Variants in KLHL5 observed in about 807,000 individuals in gnomAD.
KLHL5 encodes the protein kelch-like protein 5.
In KLHL5, 48 loss-of-function variants were observed where a neutral mutation model predicts 77.7. The observed-to-expected ratio is 0.62, with a 90% CI of 0.49 to 0.79. The LOEUF (loss-of-function observed/expected upper bound fraction) is 0.79. KLHL5 is among the 30% of genes least tolerant of loss of function. KLHL5 has a pLI of 0.00. For missense variants in KLHL5, 723 were observed against 859.7 expected (o/e 0.84, Z 1.99); for synonymous variants, 260 against 297.0 (o/e 0.88, Z 1.28).
At chr4:39,119,524 T>G (rs1252233824) in intron 10 of KLHL5, among the ~76,000 whole-genome samples, 1 of 152,134 alleles carries the variant, frequency 6.6e-6, no homozygotes, top group Non-Finnish European at 1.5e-5. Context: ...AGGTGGAGGT[T>G]GCAGTGAGCC....
At chr4:39,094,528 T>TA (rs1312264012) in intron 5 of KLHL5, among the ~76,000 whole-genome samples, 1 of 151,290 alleles carries the variant, frequency 6.6e-6, no homozygotes, top group Non-Finnish European at 1.5e-5. Context: ...ACATGAAAAA[T>TA]AAAGGCACAA....
chr4:39,062,947 G>GATTGTGGC lies in KLHL5; in HGVS notation c.296_303dup (p.Gly102IlefsTer70), dbSNP rs1333497850. On this transcript the variant is annotated frameshift_variant, in exon 1 of 11. Coordinates refer to ENST00000504108, the MANE Select transcript of KLHL5 (RefSeq NM_015990.5). LOFTEE classifies it high-confidence loss of function. ...CCCTGCATTTGAGTTTACAGCAGAAGATTGTGGCGGTGCACATTGGCTGGA... is the reference window on the plus strand; with the variant it reads ...CCCTGCATTTGAGTTTACAGCAGAAGATTGTGGCATTGTGGCGGTGCACATTGGCTGGA... 1 of 1,614,060 alleles carries GATTGTGGC rather than the reference G, an allele frequency of 6.2e-7. No homozygotes were observed. Among genetic ancestry groups the GATTGTGGC allele is most frequent in the Non-Finnish European group, 8.5e-7 (1 of 1,180,008 alleles).
intron 8 of KLHL5, among the ~76,000 whole-genome samples, chr4:39,112,192 A>G (rs1043270685): frequency 1.3e-5 from 2 of 152,206 alleles, no homozygotes; most frequent in Non-Finnish European, 2.9e-5. Flanking sequence ...GGTTCAGAGT[A>G]AAAGACTTTC....
chr4:39,054,316 C>CT (rs1716866613), intron 1 of KLHL5, among the ~76,000 whole-genome samples: 1 of 152,164 alleles, frequency 6.6e-6, no homozygotes, highest in Non-Finnish European at 1.5e-5. Context: ...CCATCCTGGA[C>CT]CCTGCCACTC....
chr4:39,076,487 A>G (rs1294879443), intron 2 of KLHL5, among the ~76,000 whole-genome samples: 1 of 152,204 alleles, frequency 6.6e-6, no homozygotes, highest in Non-Finnish European at 1.5e-5. Context: ...GTGGATATTT[A>G]GAAGAAGAAA....
the KLHL5 span, among the ~76,000 whole-genome samples, chr4:39,137,218 T>C: frequency 2.0e-5 from 3 of 151,964 alleles, no homozygotes; most frequent in Non-Finnish European, 4.4e-5. Flanking sequence ...TAGACAGATA[T>C]AGACCAACAG....
At position 39,125,635 on chromosome 4, in the gene KLHL5, T is replaced by C. The variant is rs1723495152; in HGVS notation, c.*4569T>C. Among the ~76,000 whole-genome samples, 4 of 152,112 alleles carry C rather than the reference T, an allele frequency of 2.6e-5. No individual in the cohort carries two copies. In the South Asian group the frequency reaches 8.3e-4, roughly 31 times the overall value. On this transcript the variant is annotated 3_prime_UTR_variant, in exon 11 of 11. Transcript: ENST00000504108. ...TGCATGAGTGCATTTATATGAAATATCCAAAATAGGCAAATCCATGGAGAC... is the reference window on the plus strand; with the variant it reads ...TGCATGAGTGCATTTATATGAAATACCCAAAATAGGCAAATCCATGGAGAC...
At chr4:39,079,309 T>C (rs1020182028) in intron 2 of KLHL5, among the ~76,000 whole-genome samples, 4 of 152,198 alleles carry the variant, frequency 2.6e-5, no homozygotes, top group Non-Finnish European at 5.9e-5. Context: ...AAATCTTTCA[T>C]TGACTCCTCA....
chr4:39,092,278 G>C (rs956651490), intron 5 of KLHL5, among the ~76,000 whole-genome samples: 1 of 151,904 alleles, frequency 6.6e-6, no homozygotes, highest in African/African-American at 2.4e-5. Context: ...ATGATACCTG[G>C]TTCCTCCCAT....
chr4:39,075,747 A>G (rs1577670996), intron 1 of KLHL5, among the ~76,000 whole-genome samples: 1 of 152,226 alleles, frequency 6.6e-6, no homozygotes, highest in South Asian at 2.1e-4. Flanking sequence ...GTAGCAATTA[A>G]TTAACAGTTT....
In KLHL5 at chr4:39,075,860, A is replaced by C. The variant is rs908155632; in HGVS notation, c.384-105A>C. On this transcript the variant is annotated intron_variant, in intron 1 of 10. Transcript: ENST00000504108. ...TTATACATTAATATTGATAGGTAGC[A>C]TTGATTTCTTCTATTACATTTGAAG... The C allele has an allele frequency of 1.4e-5, 12 of 865,494 alleles. No individual in the cohort carries two copies. In the Admixed American group the frequency reaches 1.8e-4, roughly 13 times the overall value. 53.6% of individuals were successfully genotyped at this position (865,494 alleles called of 1,614,324 possible).
chr4:39,117,144 T>C (rs1331297040), intron 10 of KLHL5, among the ~76,000 whole-genome samples: 1 of 152,140 alleles, frequency 6.6e-6, no homozygotes, highest in South Asian at 2.1e-4. Flanking sequence ...CCCCAAAATT[T>C]TGAAAAATTA....
intron 9 of KLHL5, 33 bp from the exon 10 acceptor site, chr4:39,115,126 A>G (rs1363136733): frequency 6.3e-7 from 1 of 1,578,488 alleles, no homozygotes; most frequent in African/African-American, 1.4e-5. Context: ...TTTTAAGAAT[A>G]ATGTCAGCTC....
Position 39,118,059 on chromosome 4 carries a change from T to TAA in KLHL5, c.2073+2745_2073+2746dup, listed in dbSNP as rs35309110. 8.0e-3 allele frequency among the ~76,000 whole-genome samples: 1,003 copies of TAA among 126,136 alleles called. 8 individuals carry two copies. Among genetic ancestry groups the TAA allele is most frequent in the Admixed American group, 0.014 (175 of 12,508 alleles). The allele number at this position is 126,136 out of a possible 152,430, so 82.8% of individuals were successfully genotyped here. A position where few individuals can be genotyped will look rare whatever the true frequency, so the allele number is the denominator to read the frequency against. On this transcript the variant is annotated intron_variant, in intron 10 of 10. Coordinates refer to ENST00000504108, the MANE Select transcript of KLHL5 (RefSeq NM_015990.5). ...CTGGGTGACAGAGCGAGACTCCATC[T>TAA]AAAAAAAAAAAAAAAAAGTAAACAG...
At chr4:39,046,113 T>C (rs958801497) in intron 1 of KLHL5, among the ~76,000 whole-genome samples, 3 of 151,994 alleles carry the variant, frequency 2.0e-5, no homozygotes, top group African/African-American at 7.3e-5. Context: ...TGGCTTGTTA[T>C]GACTTATGTG....
chr4:39,140,666 C>T, the KLHL5 span, among the ~76,000 whole-genome samples: 1 of 152,134 alleles, frequency 6.6e-6, no homozygotes, highest in Non-Finnish European at 1.5e-5. Flanking sequence ...TCCTCAGATG[C>T]ATAAGAAACA....
Position 39,077,240 on chromosome 4 carries a change from C to T in KLHL5, c.566+1093C>T, listed in dbSNP as rs535165750. ...TTAGGAGGCTGAGGCAGGCAGATCA[C>T]GAGGTCAGGAGATTGAGACCATCCT... is the stretch of plus-strand genomic sequence containing the variant. On this transcript the variant is annotated intron_variant, in intron 2 of 10. Transcript: ENST00000504108. Among the ~76,000 whole-genome samples, 7 of 152,006 alleles carry T rather than the reference C, an allele frequency of 4.6e-5. No homozygotes were observed. The East Asian group carries it at 5.8e-4, about 13-fold the overall frequency.
chr4:39,094,425 A>T (rs1346954285), intron 5 of KLHL5, among the ~76,000 whole-genome samples: 2 of 151,310 alleles, frequency 1.3e-5, no homozygotes, highest in African/African-American at 4.8e-5. Context: ...AATTAATAAA[A>T]TTAATAAATT....
chr4:39,045,812 G>A (rs780262298), intron 1 of KLHL5, among the ~76,000 whole-genome samples: 62 of 152,030 alleles, frequency 4.1e-4, no homozygotes, highest in Non-Finnish European at 6.5e-4. Context: ...GGGCAGACAG[G>A]CTCACCCCAC....
Sources: gnomAD v4.1 joint callset for allele counts (sites outside exome capture counted in the v4.1 genomes callset) on GRCh38, gnomAD v4.1.1 for gene constraint, MANE v1.5 for transcripts, NCBI Gene and HGNC (gene_info 2026-07-23, HGNC 2026-07-21) for gene names.